The following ALG9 variants were observed in gnomAD, a reference collection of about 807,000 sequenced individuals.
ALG9 encodes the protein alpha-1,2-mannosyltransferase ALG9.
A neutral mutation model predicts 81.8 loss-of-function variants in ALG9; 55 were observed. The observed-to-expected ratio is 0.67, with a 90% CI of 0.54 to 0.84. The LOEUF (loss-of-function observed/expected upper bound fraction) is 0.84. ALG9 is among the 40% of genes least tolerant of loss of function. The probability of loss-of-function intolerance (pLI) is 0.00; values close to 1 mark genes in which losing one functional copy is unlikely to be tolerated. For missense variants in ALG9, 629 were observed against 745.0 expected, an observed-to-expected ratio of 0.84 and a Z score of 1.81; for synonymous variants, 278 against 274.3, an observed-to-expected ratio of 1.01 and a Z score of -0.13.
intron 13 of ALG9, chr11:111,817,400 C>T (rs1555098546): frequency 6.6e-6 from 1 of 152,218 alleles, no homozygotes; most frequent in African/African-American, 2.4e-5. Flanking sequence ...ACTCAGTCAC[C>T]CGGGCTGGAG....
intron 11 of ALG9, 77 bp downstream of exon 11, chr11:111,838,172 T>A (rs1955638702): frequency 1.3e-6 from 2 of 1,566,378 alleles, no homozygotes; most frequent in South Asian, 2.2e-5. Context: ...AAATATGTAT[T>A]ATATAATCAT....
downstream of ALG9, among the ~76,000 whole-genome samples, chr11:111,777,504 T>G (rs1375230103): frequency 6.6e-6 from 1 of 152,216 alleles, no homozygotes; most frequent in Non-Finnish European, 1.5e-5. Flanking sequence ...TATGACAGCA[T>G]GGCAGACAAG....
chr11:111,855,850 A>G (rs868913651), intron 6 of ALG9, among the ~76,000 whole-genome samples: 1 of 152,208 alleles, frequency 6.6e-6, no homozygotes, highest in African/African-American at 2.4e-5. Context: ...AATAGAAGAA[A>G]GGAATGGAGA....
downstream of ALG9, among the ~76,000 whole-genome samples, chr11:111,780,835 T>C (rs1252696726): frequency 4.6e-5 from 7 of 152,204 alleles, no homozygotes; most frequent in African/African-American, 1.7e-4. Context: ...GGAACCACGC[T>C]GAGCACCGGG....
At chr11:111,810,621 T>C (rs1950565517) in intron 13 of ALG9, among the ~76,000 whole-genome samples, 1 of 152,216 alleles carries the variant, frequency 6.6e-6, no homozygotes, top group South Asian at 2.1e-4. Flanking sequence ...CTAGGTGTGG[T>C]GGCACATATC....
At chr11:111,840,437 C>T (rs2136881127) in intron 10 of ALG9, among the ~76,000 whole-genome samples, 1 of 152,236 alleles carries the variant, frequency 6.6e-6, no homozygotes, top group South Asian at 2.1e-4. Flanking sequence ...CAAAGTAACA[C>T]ACAAATTAAC....
chr11:111,863,683 C>A (rs958784646), intron 4 of ALG9, among the ~76,000 whole-genome samples: 1 of 152,088 alleles, frequency 6.6e-6, no homozygotes, highest in Non-Finnish European at 1.5e-5. Flanking sequence ...TATTTATTAC[C>A]GGGACACTTA....
At chr11:111,834,323 C>T (rs1555115562) in intron 13 of ALG9, among the ~76,000 whole-genome samples, 2 of 151,944 alleles carry the variant, frequency 1.3e-5, no homozygotes, top group East Asian at 1.9e-4. Flanking sequence ...GGGTGGAAAA[C>T]GCAATGATGA....
At chr11:111,768,493 C>T in the ALG9 span, among the ~76,000 whole-genome samples, 2 of 151,924 alleles carry the variant, frequency 1.3e-5, no homozygotes, top group Admixed American at 6.6e-5. Flanking sequence ...AACATGGTAA[C>T]GCGTGCCTGT....
intron 14 of ALG9, 98 bp downstream of exon 14, chr11:111,809,545 C>T (rs555193002): frequency 7.3e-7 from 1 of 1,364,720 alleles, no homozygotes; most frequent in South Asian, 1.2e-5. Flanking sequence ...CACACGATGG[C>T]TACTAGAGTC....
the ALG9 span, chr11:111,771,211 C>T: frequency 1.3e-5 from 2 of 152,348 alleles, no homozygotes; most frequent in Non-Finnish European, 2.9e-5. Flanking sequence ...GAGGGTGGAT[C>T]ACCTGAGGTC....
chr11:111,870,478 A>T (rs1555157532), intron 1 of ALG9, 108 bp from the exon 2 acceptor site: 2 of 1,337,064 alleles, frequency 1.5e-6, no homozygotes, highest in African/African-American at 1.5e-5. Flanking sequence ...AGGGACATCA[A>T]AGCACTTAAG....
At chr11:111,798,077 C>T in intron 14 of ALG9, 1 of 162,290 alleles carries the variant, frequency 6.2e-6, no homozygotes, top group South Asian at 1.3e-4. Flanking sequence ...GTAGTCCGTG[C>T]CTGCAGTCCC....
chr11:111,790,769 C>A (rs190152053), intron 14 of ALG9, among the ~76,000 whole-genome samples: 2 of 152,256 alleles, frequency 1.3e-5, no homozygotes, highest in East Asian at 3.9e-4. Context: ...AGACTAGACA[C>A]AATTTTCAAT....
chr11:111,809,517 T>TACACACACACACACAC (rs4026119), intron 14 of ALG9, 126 bp downstream of exon 14: 5 of 940,480 alleles, frequency 5.3e-6, no homozygotes, highest in Non-Finnish European at 8.1e-6. Context: ...GAGACTCCAT[T>TACACACACACACACAC]ACACACACAC....
chr11:111,863,672 A>G (rs1961186565), intron 4 of ALG9, among the ~76,000 whole-genome samples: 1 of 152,354 alleles, frequency 6.6e-6, no homozygotes, highest in East Asian at 1.9e-4. Context: ...AAAGGTGGCT[A>G]TATTTATTAC....
intron 13 of ALG9, among the ~76,000 whole-genome samples, chr11:111,822,470 G>A (rs1241516339): frequency 2.0e-5 from 3 of 148,140 alleles, no homozygotes; most frequent in Non-Finnish European, 4.4e-5. Context: ...GTAACACTTT[G>A]GGAGGCCAAG....
At chr11:111,821,106 A>C (rs1433870334) in intron 13 of ALG9, among the ~76,000 whole-genome samples, 6 of 152,158 alleles carry the variant, frequency 3.9e-5, no homozygotes, top group Admixed American at 2.0e-4. Flanking sequence ...TAAAAATAAA[A>C]TTTTTTAAAA....
chr11:111,837,435 A>T (rs1301506001), intron 12 of ALG9, 33 bp downstream of exon 12: 9 of 1,612,716 alleles, frequency 5.6e-6, no homozygotes, highest in Non-Finnish European at 7.6e-6. Flanking sequence ...TTACTCCTTC[A>T]TTTAAAACCC....
Sources: gnomAD v4.1 joint callset for allele counts (sites outside exome capture counted in the v4.1 genomes callset) on GRCh38, gnomAD v4.1.1 for gene constraint, MANE v1.5 for transcripts, NCBI Gene and HGNC (gene_info 2026-07-23, HGNC 2026-07-21) for gene names.